The following CASD1 variants were observed in gnomAD, a reference collection of about 807,000 sequenced individuals.
CASD1 encodes the protein CAS1 domain sialic acid O acetyltransferase 1.
A neutral mutation model predicts 100.0 loss-of-function variants in CASD1; 41 were observed. The ratio of observed to expected loss-of-function variants is 0.41; its 90% CI spans 0.32 to 0.53. The LOEUF (loss-of-function observed/expected upper bound fraction) is 0.53. Among genes scored for constraint, CASD1 ranks in the 20% least tolerant of loss-of-function variants. The probability of loss-of-function intolerance (pLI) is 0.25; values close to 1 mark genes in which losing one functional copy is unlikely to be tolerated. For synonymous variants in CASD1, 321 were observed against 315.6 expected (o/e 1.02, Z -0.18); for missense variants, 774 against 948.7 (o/e 0.82, Z 2.42).
chr7:94,566,513 A>T, the CASD1 span, among the ~76,000 whole-genome samples: 19 of 152,254 alleles, frequency 1.2e-4, 1 homozygote, highest in South Asian at 3.7e-3. Context: ...TACATAAAGA[A>T]CTCTTACAAT....
At chr7:94,628,315 C>A in the CASD1 span, 6 of 1,611,120 alleles carry the variant, frequency 3.7e-6, no homozygotes, top group African/African-American at 6.7e-5. Context: ...TCTGGGTAAC[C>A]CATTAAATTT....
the CASD1 span, chr7:94,603,411 C>CA: frequency 6.2e-7 from 1 of 1,613,418 alleles, no homozygotes; most frequent in Non-Finnish European, 8.5e-7. Context: ...TTCTCGTAAA[C>CA]AAGAAGAAAA....
chr7:94,553,996 A>T (rs1160517642), intron 16 of CASD1: 1 of 152,506 alleles, frequency 6.6e-6, no homozygotes, highest in African/African-American at 2.4e-5. Context: ...TCGCCAGGCC[A>T]TGCAGAGCAA....
At chr7:94,612,775 C>A in the CASD1 span, among the ~76,000 whole-genome samples, 1 of 152,096 alleles carries the variant, frequency 6.6e-6, no homozygotes, top group African/African-American at 2.4e-5. Flanking sequence ...CATTACCCCA[C>A]CCCACCTCCA....
rs1794939298 is a variant in CASD1, at chr7:94,533,237, A to C, written c.492A>C (p.Ala164=). The C allele has an allele frequency of 6.2e-7, 1 of 1,609,950 alleles. No homozygotes were observed. Among genetic ancestry groups the C allele is most frequent in the African/African-American group, 1.3e-5 (1 of 74,866 alleles). The stretch of plus-strand genomic sequence containing the variant: ...TTGCAAAGCCACATGTGATTGTAGC[A>C]GGAGCTGCCACAGTAAGTTATCATC... ...DSIAKPHVIV[A]GAATWSIKIH... is the part of the protein sequence containing the mutation. The change falls in exon 6 of 18, where the codon GCA becomes GCC. Residue 164 remains alanine (A), a synonymous_variant. Coordinates refer to ENST00000297273, the MANE Select transcript of CASD1 (RefSeq NM_022900.5).
At chr7:94,573,603 C>G in the CASD1 span, among the ~76,000 whole-genome samples, 1 of 152,106 alleles carries the variant, frequency 6.6e-6, no homozygotes, top group Non-Finnish European at 1.5e-5. Flanking sequence ...GCTGTAGTTG[C>G]TTATTAGTGA....
At chr7:94,613,417 T>A in the CASD1 span, among the ~76,000 whole-genome samples, 1,410 of 152,292 alleles carry the variant, frequency 9.3e-3, 6 homozygotes, top group Non-Finnish European at 0.016. Flanking sequence ...CTAGCACATG[T>A]TTTCAAATTT....
In CASD1 at chr7:94,553,077, A is replaced by C; in HGVS notation, c.2034+650A>C. The C allele has an allele frequency of 2.3e-5, 9 of 390,842 alleles. 1 individual carries two copies. The highest frequency in any genetic ancestry group is 1.9e-4 in the South Asian group (9 of 47,056). The allele number at this position is 390,842 out of a possible 1,614,324, so 24.2% of individuals were successfully genotyped here. A position where few individuals can be genotyped will look rare whatever the true frequency, so the allele number is the denominator to read the frequency against. On this transcript the variant is annotated intron_variant, in intron 16 of 17. Transcript: ENST00000297273. Reference sequence around the variant, plus strand: ...CGTTGTACAACTTATGCAATACTTTAATTATAATAACTCATTAAATGGTTT... The same window carrying C: ...CGTTGTACAACTTATGCAATACTTTCATTATAATAACTCATTAAATGGTTT...
chr7:94,588,598 G>A, the CASD1 span: 1 of 1,555,744 alleles, frequency 6.4e-7, no homozygotes, highest in Non-Finnish European at 8.7e-7. Context: ...ATTTGGTGAA[G>A]ATAAAGCTTC....
chr7:94,570,855 AG>A, the CASD1 span, among the ~76,000 whole-genome samples: 7 of 152,148 alleles, frequency 4.6e-5, no homozygotes, highest in Admixed American at 1.3e-4. Flanking sequence ...AAATTACAAT[AG>A]TATCAGCTTT....
chr7:94,522,751 G>A (rs1407447308), intron 3 of CASD1, among the ~76,000 whole-genome samples: 1 of 151,646 alleles, frequency 6.6e-6, no homozygotes, highest in Non-Finnish European at 1.5e-5. Context: ...TCTACCTCCC[G>A]GGTTCACGCC....
Position 94,544,491 on chromosome 7 carries a change from T to C in CASD1, c.1437T>C (p.Phe479=), listed in dbSNP as rs13242090. Reference sequence around the variant, plus strand: ...CAGGGTATGGGCATTTCTCATACTTTTGGATAAAAGGAGATTTTGGAATCT... The same window carrying C: ...CAGGGTATGGGCATTTCTCATACTTCTGGATAAAAGGAGATTTTGGAATCT... ...FQTGYGHFSY[F]WIKGDFGIYR... The change falls in exon 11 of 18, where the codon TTT becomes TTC. Residue 479 remains phenylalanine (F), a synonymous_variant. Coordinates refer to ENST00000297273, the MANE Select transcript of CASD1 (RefSeq NM_022900.5). 0.089 allele frequency: 143,568 copies of C among 1,612,694 alleles called. 8,236 individuals are homozygous for C. Among genetic ancestry groups the C allele is most frequent in the East Asian group, 0.24 (10,765 of 44,706 alleles).
chr7:94,592,193 A>C, the CASD1 span, among the ~76,000 whole-genome samples: 3 of 152,210 alleles, frequency 2.0e-5, no homozygotes, highest in Non-Finnish European at 4.4e-5. Context: ...TATGATGGGC[A>C]TATTTAAAAC....
chr7:94,510,126 C>T lies in CASD1; in HGVS notation c.42C>T (p.Asn14=). 6.5e-7 allele frequency: 1 copy of T among 1,530,370 alleles called. No homozygotes were observed. Among genetic ancestry groups the T allele is most frequent in the Non-Finnish European group, 8.8e-7 (1 of 1,137,422 alleles). The allele number at this position is 1,530,370 out of a possible 1,614,324, so 94.8% of individuals were successfully genotyped here. Reference sequence around the variant, plus strand: ...ACAACCTGGGCAAGCGGGAGATCAACCACTACTTCAGCGTGAGGAGCGCCA... The same window carrying T: ...ACAACCTGGGCAAGCGGGAGATCAATCACTACTTCAGCGTGAGGAGCGCCA... The part of the protein sequence containing the change: ...LAYNLGKREI[N]HYFSVRSAKV... The change falls in exon 1 of 18, where the codon AAC becomes AAT. Residue 14 remains asparagine, a synonymous_variant. Coordinates refer to ENST00000297273, the MANE Select transcript of CASD1 (RefSeq NM_022900.5).
At chr7:94,607,708 A>G in the CASD1 span, among the ~76,000 whole-genome samples, 5 of 152,214 alleles carry the variant, frequency 3.3e-5, no homozygotes, top group Non-Finnish European at 7.3e-5. Flanking sequence ...TTTTCCTACT[A>G]GTATCAGGAA....
At chr7:94,609,653 G>A in the CASD1 span, among the ~76,000 whole-genome samples, 1 of 152,178 alleles carries the variant, frequency 6.6e-6, no homozygotes, top group Non-Finnish European at 1.5e-5. Flanking sequence ...AAAGACAAAT[G>A]AAAACAGTGA....
chr7:94,557,051 CTAAT>C (rs1796234017), downstream of CASD1: 1 of 152,066 alleles, frequency 6.6e-6, no homozygotes, highest in African/African-American at 2.4e-5. Context: ...GTTCAAATAT[CTAAT>C]TATTTCCTCA....
chr7:94,597,961 C>T, the CASD1 span: 1,417 of 163,474 alleles, frequency 8.7e-3, 9 homozygotes, highest in Middle Eastern at 0.023. Context: ...GAGCCAAGAT[C>T]GCTCCATTGC....
chr7:94,542,002 A>G (rs1013381732), intron 10 of CASD1, among the ~76,000 whole-genome samples: 1 of 152,226 alleles, frequency 6.6e-6, no homozygotes, highest in African/African-American at 2.4e-5. Flanking sequence ...TAAATATTAC[A>G]TGAAAGTTGC....
Sources: allele counts gnomAD v4.1 joint callset (sites outside exome capture counted in the v4.1 genomes callset), GRCh38; gene constraint gnomAD v4.1.1; transcripts MANE v1.5; gene names NCBI Gene and HGNC (gene_info 2026-07-23, HGNC 2026-07-21).